GFRA2: variants seen among roughly 807,000 people sequenced by gnomAD.
GFRA2 encodes the protein GDNF family receptor alpha-2.
A neutral mutation model predicts 48.3 loss-of-function variants in GFRA2; 17 were observed. The ratio of observed to expected loss-of-function variants is 0.35; its 90% CI spans 0.24 to 0.53. GFRA2 has a LOEUF of 0.53. Among genes scored for constraint, GFRA2 ranks in the 20% least tolerant of loss-of-function variants. The pLI is 0.93. For missense variants in GFRA2, 660 were observed against 637.3 expected (o/e 1.04, Z -0.38); for synonymous variants, 305 against 257.2 (o/e 1.19, Z -1.78).
rs530994568 is a variant in GFRA2, at chr8:21,754,354, T to C, written c.440-3412A>G. Among the ~76,000 whole-genome samples the C allele has an allele frequency of 3.3e-5, 5 of 152,250 alleles. No individual in the cohort carries two copies. In the South Asian group the frequency reaches 8.3e-4, roughly 25 times the overall value. ...AGTGCTCAAAAAATGTTGACTAATATTATTAAGCAAGCAAAATGGTACAGA... is the reference window on the plus strand; with the variant it reads ...AGTGCTCAAAAAATGTTGACTAATACTATTAAGCAAGCAAAATGGTACAGA... On this transcript the variant is annotated intron_variant, in intron 3 of 8. Transcript: ENST00000524240.
At chr8:21,782,548 C>T in intron 2 of GFRA2, 37 bp downstream of exon 2, 1 of 1,487,560 alleles carries the variant, frequency 6.7e-7, no homozygotes, top group East Asian at 2.5e-5. Flanking sequence ...GCCTGCGCCA[C>T]ACCCCCTCCC....
At chr8:21,722,263 G>A (rs1803636210) in intron 4 of GFRA2, among the ~76,000 whole-genome samples, 1 of 152,166 alleles carries the variant, frequency 6.6e-6, no homozygotes, top group Non-Finnish European at 1.5e-5. Context: ...TGAGCCAGAA[G>A]CCAGGGAAGG....
intron 1 of GFRA2, among the ~76,000 whole-genome samples, chr8:21,783,758 T>C (rs1450050416): frequency 6.6e-6 from 1 of 151,626 alleles, no homozygotes; most frequent in Non-Finnish European, 1.5e-5. Context: ...CTGGGGAGCA[T>C]CCATGCCCCC....
rs549952048 is a variant in GFRA2 at position 21,776,037 on chromosome 8, G to GTGTGTGTGTGTGTA, written c.356-983_356-982insTACACACACACACA. Among the ~76,000 whole-genome samples, 651 of 139,862 alleles carry GTGTGTGTGTGTGTA rather than the reference G, an allele frequency of 4.7e-3. 11 individuals carry two copies. Among genetic ancestry groups the GTGTGTGTGTGTGTA allele is most frequent in the Non-Finnish European group, 5.6e-3 (357 of 63,954 alleles). The allele number at this position is 139,862 out of a possible 152,430, so 91.8% of individuals were successfully genotyped here. A position where few individuals can be genotyped will look rare whatever the true frequency, so the allele number is the denominator to read the frequency against. On this transcript the variant is annotated intron_variant, in intron 2 of 8. Coordinates refer to ENST00000524240, the MANE Select transcript of GFRA2 (RefSeq NM_001495.5). ...TGTGTGTGTGTGTGTGTGTGTGTGT[G>GTGTGTGTGTGTGTA]TGTAGTGAAAAGCAGGGCACAGCCT... is the stretch of plus-strand genomic sequence containing the variant.
intron 3 of GFRA2, among the ~76,000 whole-genome samples, chr8:21,756,287 T>C (rs2117619258): frequency 6.6e-6 from 1 of 152,234 alleles, no homozygotes; most frequent in South Asian, 2.1e-4. Flanking sequence ...CAAAACTTGG[T>C]AAATTTCCTA....
chr8:21,719,260 A>T (rs1236992295), intron 4 of GFRA2, among the ~76,000 whole-genome samples: 4 of 152,074 alleles, frequency 2.6e-5, no homozygotes, highest in Admixed American at 6.5e-5. Flanking sequence ...AGGCCAACCC[A>T]AGTCCACGTG....
intron 3 of GFRA2, among the ~76,000 whole-genome samples, chr8:21,760,419 T>C (rs900336667): frequency 6.6e-6 from 1 of 152,036 alleles, no homozygotes; most frequent in African/African-American, 2.4e-5. Flanking sequence ...AATTTAGAGA[T>C]AAAGCCAAGG....
chr8:21,740,732 A>T (rs1184557822), intron 4 of GFRA2, among the ~76,000 whole-genome samples: 1 of 152,206 alleles, frequency 6.6e-6, no homozygotes, highest in Non-Finnish European at 1.5e-5. Flanking sequence ...CAAGCACCAG[A>T]TATGAATGTC....
chr8:21,699,722 G>A (rs1275914255), intron 7 of GFRA2, among the ~76,000 whole-genome samples: 1 of 152,210 alleles, frequency 6.6e-6, no homozygotes. Flanking sequence ...CGCACAGAGG[G>A]CACCTAGGAG....
intron 4 of GFRA2, among the ~76,000 whole-genome samples, chr8:21,722,727 C>T (rs1803663186): frequency 6.6e-6 from 1 of 152,230 alleles, no homozygotes; most frequent in Admixed American, 6.5e-5. Context: ...GAGGCCCTCT[C>T]CCTAATCCCT....
chr8:21,789,966 G>C, upstream of GFRA2: 1 of 625,124 alleles, frequency 1.6e-6, no homozygotes, highest in Non-Finnish European at 2.0e-6. Context: ...CGAGGAGCTC[G>C]TCCCGAGGCA....
At chr8:21,755,500 G>C (rs995959919) in intron 3 of GFRA2, among the ~76,000 whole-genome samples, 2 of 152,208 alleles carry the variant, frequency 1.3e-5, no homozygotes, top group African/African-American at 4.8e-5. Context: ...CCTACTATGT[G>C]CCAGGCACTT....
chr8:21,757,330 C>G (rs1010521520), intron 3 of GFRA2, among the ~76,000 whole-genome samples: 5 of 152,078 alleles, frequency 3.3e-5, no homozygotes, highest in Non-Finnish European at 7.4e-5. Flanking sequence ...ACTGGAAGCC[C>G]CCACCCCCAG....
At chr8:21,770,084 G>A (rs1806372182) in intron 3 of GFRA2, among the ~76,000 whole-genome samples, 1 of 152,156 alleles carries the variant, frequency 6.6e-6, no homozygotes, top group African/African-American at 2.4e-5. Flanking sequence ...AGTACATGAT[G>A]GCCGTCCCCA....
At chr8:21,758,152 A>G (rs537047134) in intron 3 of GFRA2, among the ~76,000 whole-genome samples, 2 of 151,604 alleles carry the variant, frequency 1.3e-5, no homozygotes, top group African/African-American at 4.8e-5. Flanking sequence ...CCACCTTCCA[A>G]AAACTGAGAC....
chr8:21,810,387 C>G (rs1160167972), intron 1 of GFRA2, among the ~76,000 whole-genome samples: 2 of 152,174 alleles, frequency 1.3e-5, no homozygotes, highest in African/African-American at 4.8e-5. Context: ...GAGCCATAGC[C>G]CCACAGTCCC....
At chr8:21,760,228 G>A (rs1047151482) in intron 3 of GFRA2, among the ~76,000 whole-genome samples, 7 of 152,192 alleles carry the variant, frequency 4.6e-5, no homozygotes, top group African/African-American at 1.7e-4. Flanking sequence ...CAAAGCGCTG[G>A]AGAGCATTAA....
rs377214045 is a variant in GFRA2, at chr8:21,693,409, G to A, written c.1273-9C>T. The A allele has an allele frequency of 1.9e-5, 31 of 1,599,196 alleles. No individual in the cohort carries two copies. The highest frequency in any genetic ancestry group is 1.6e-4 in the East Asian group (7 of 44,420). On this transcript the variant is annotated splice_polypyrimidine_tract_variant and intron_variant, in intron 8 of 8. Transcript: ENST00000524240. ...ATGATATTTGTCGTGAGCTGAGTCC[G>A]CAGCAGGAGAAGAATCAGGAACAAA...
intron 4 of GFRA2, among the ~76,000 whole-genome samples, chr8:21,732,760 C>T (rs1345834222): frequency 6.6e-6 from 1 of 152,206 alleles, no homozygotes; most frequent in African/African-American, 2.4e-5. Flanking sequence ...TGTAAACACC[C>T]CCTAGAGTAT....
Sources: gnomAD v4.1 joint callset for allele counts (sites outside exome capture counted in the v4.1 genomes callset) on GRCh38, gnomAD v4.1.1 for gene constraint, MANE v1.5 for transcripts, NCBI Gene and HGNC (gene_info 2026-07-23, HGNC 2026-07-21) for gene names.